AGAP3: variants seen among roughly 807,000 people sequenced by gnomAD.
AGAP3 encodes ArfGAP with GTPase domain, ankyrin repeat and PH domain 3, also known as arf-GAP with GTPase, ANK repeat and PH domain-containing protein 3.
A neutral mutation model predicts 96.9 loss-of-function variants in AGAP3; 24 were observed. That is an observed-to-expected ratio of 0.25 (90% confidence interval 0.18 to 0.35). AGAP3 has a LOEUF of 0.35. Ranked by LOEUF, AGAP3 falls within the 10% of genes least tolerant of loss-of-function variation. AGAP3 has a pLI of 1.00. For missense variants in AGAP3, 876 were observed against 1,254.2 expected, an observed-to-expected ratio of 0.70 and a Z score of 4.55; for synonymous variants, 563 against 536.1, an observed-to-expected ratio of 1.05 and a Z score of -0.69.
At chr7:151,106,143 C>T (rs1799047182) in intron 1 of AGAP3, among the ~76,000 whole-genome samples, 1 of 152,074 alleles carries the variant, frequency 6.6e-6, no homozygotes, top group East Asian at 1.9e-4. Context: ...CATTGTGTTG[C>T]AGTGGCACTT....
Position 151,143,195 on chromosome 7 carries a change from C to T in AGAP3, c.2274-146C>T, listed in dbSNP as rs541614248. On this transcript the variant is annotated intron_variant, in intron 16 of 17. Coordinates refer to ENST00000397238, the MANE Select transcript of AGAP3 (RefSeq NM_031946.7). This position sits in a 1 kb window ranked among gnomAD's most constrained non-coding sequence, Gnocchi z 5.9. ...TGCCTGGAGTTTCCAAGGCTTCTCT[C>T]CTTCCTTTTTGCTCCATCTCATCTT... 2 of 985,714 alleles carry T rather than the reference C, an allele frequency of 2.0e-6. No individual in the cohort carries two copies. The highest frequency in any genetic ancestry group is 2.8e-5 in the Admixed American group (1 of 35,266). The allele number at this position is 985,714 out of a possible 1,614,324, so 61.1% of individuals were successfully genotyped here. A position where few individuals can be genotyped will look rare whatever the true frequency, so the allele number is the denominator to read the frequency against.
Position 151,118,249 on chromosome 7 carries a change from G to A in AGAP3, c.746G>A (p.Ser249Asn), listed in dbSNP as rs1799691099. 16 of 1,612,950 alleles carry A rather than the reference G, an allele frequency of 9.9e-6. No individual in the cohort carries two copies. Among genetic ancestry groups the A allele is most frequent in the Non-Finnish European group, 1.4e-5 (16 of 1,179,028 alleles). ...SAANPRVIDDSRARKLSTDLK... is the reference protein window; with the variant it reads ...SAANPRVIDDNRARKLSTDLK... The stretch of plus-strand genomic sequence containing the variant: ...GCGAATCCCCGGGTTATCGACGACA[G>A]CAGAGCCCGCAAGCTCTCCACAGAT... Residue 249 changes from serine (S) to asparagine (N), a missense_variant, in exon 6 of 18, where the codon AGC (serine) becomes AAC (asparagine). By Grantham distance (46) the Ser-to-Asn change is conservative. Around this residue, in one of 8 missense-constraint regions of AGAP3, gnomAD observed 131 missense variants for 304.5 expected, o/e 0.43. Transcript: ENST00000397238. This position sits in a 1 kb window ranked among gnomAD's most constrained non-coding sequence, Gnocchi z 6.1.
intron 1 of AGAP3, among the ~76,000 whole-genome samples, chr7:151,107,339 TGGGGCCAGGCACGATGGCTCATGCCTGTA>T (rs1169561590): frequency 1.4e-3 from 205 of 150,540 alleles, no homozygotes; most frequent in African/African-American, 4.7e-3. Context: ...TTTTTGCTTT[TGGGGCCAGGCACGATGGCTCATGCCTGTA>T]ATCCCAGTAC....
chr7:151,107,390 A>G (rs1263713309), intron 1 of AGAP3, among the ~76,000 whole-genome samples: 1 of 151,864 alleles, frequency 6.6e-6, no homozygotes, highest in Non-Finnish European at 1.5e-5. Flanking sequence ...TTGGGAGGCC[A>G]AGGCAGGCAG....
At chr7:151,117,800 C>T (rs1235626733) in intron 5 of AGAP3, 23 bp downstream of exon 5, 3 of 1,596,828 alleles carry the variant, frequency 1.9e-6, no homozygotes, top group Admixed American at 1.7e-5. Flanking sequence ...CCTGCAGGAG[C>T]TGGCAGAGAG....
intron 8 of AGAP3, 98 bp from the exon 9 acceptor site, chr7:151,123,696 C>A: frequency 6.3e-7 from 1 of 1,583,416 alleles, no homozygotes; most frequent in Non-Finnish European, 8.6e-7. Context: ...CTAGGGCTGC[C>A]CAGGAGGAGG....
In AGAP3 at chr7:151,114,747, G is replaced by C; in HGVS notation, c.332-2046G>C. ...GCCCCGTGCCCCTCGCCATGGGCCT[G>C]GCCCGCGCCCGCCGGCCCTGAGCAT... On this transcript the variant is annotated intron_variant, in intron 1 of 17. Transcript: ENST00000397238. The surrounding 1 kb of genome is among the most constrained non-coding windows in gnomAD (Gnocchi z 4.4). 9.8e-7 allele frequency: 1 copy of C among 1,016,086 alleles called. No homozygotes were observed. The allele number at this position is 1,016,086 out of a possible 1,614,324, so 62.9% of individuals were successfully genotyped here. A position where few individuals can be genotyped will look rare whatever the true frequency, so the allele number is the denominator to read the frequency against.
chr7:151,130,079 C>G (rs1324554278), intron 10 of AGAP3, among the ~76,000 whole-genome samples: 1 of 152,236 alleles, frequency 6.6e-6, no homozygotes, highest in African/African-American at 2.4e-5. Context: ...AGCTGCCCAC[C>G]TCGGTGGCGG....
intron 8 of AGAP3, chr7:151,122,637 C>T: frequency 4.6e-6 from 7 of 1,537,750 alleles, no homozygotes; most frequent in Non-Finnish European, 6.2e-6. Context: ...TCCCCAGGCG[C>T]CTGGGTCTCT....
intron 1 of AGAP3, among the ~76,000 whole-genome samples, chr7:151,097,680 G>A (rs1214491863): frequency 6.6e-6 from 1 of 152,042 alleles, no homozygotes; most frequent in African/African-American, 2.4e-5. Context: ...TCACATGGTG[G>A]AAGTGGGAGC....
In AGAP3 at chr7:151,114,149, C is replaced by T. The variant is rs1799422667; in HGVS notation, c.332-2644C>T. ...AGACAGCCTCAGTCATCAACAGAAA[C>T]CGACTGTAGCAGCCAGCAACTCTCG... On this transcript the variant is annotated intron_variant, in intron 1 of 17. Transcript: ENST00000397238. This position sits in a 1 kb window ranked among gnomAD's most constrained non-coding sequence, Gnocchi z 4.4. Among the ~76,000 whole-genome samples the T allele has an allele frequency of 6.6e-6, 1 of 152,208 alleles. No homozygotes were observed. Among genetic ancestry groups the T allele is most frequent in the South Asian group, 2.1e-4 (1 of 4,832 alleles).
chr7:151,134,499 C>T lies in AGAP3; in HGVS notation c.1426C>T (p.Pro476Ser), dbSNP rs990394029. The T allele has an allele frequency of 1.1e-5, 17 of 1,613,206 alleles. No homozygotes were observed. The highest frequency in any genetic ancestry group is 2.2e-5 in the East Asian group (1 of 44,886). Reference protein sequence around the residue: ...RLPRATPATAPGTSPRANGLS... With the variant: ...RLPRATPATASGTSPRANGLS... Reference sequence around the variant, plus strand: ...GCCCCGAGCCACACCTGCCACAGCCCCGGGCACCAGCCCCCGTGCCAACGG... The same window carrying T: ...GCCCCGAGCCACACCTGCCACAGCCTCGGGCACCAGCCCCCGTGCCAACGG... Residue 476 changes from proline to serine, a missense_variant, in exon 11 of 18, where the codon CCG becomes TCG. Physicochemically the swap from Pro to Ser is moderately conservative, Grantham distance 74. Coordinates refer to ENST00000397238, the MANE Select transcript of AGAP3 (RefSeq NM_031946.7).
intron 10 of AGAP3, among the ~76,000 whole-genome samples, chr7:151,129,950 C>T (rs1233286257): frequency 6.6e-6 from 1 of 152,218 alleles, no homozygotes; most frequent in Non-Finnish European, 1.5e-5. Context: ...CACTCACAGA[C>T]AGGAAGTCCC....
chr7:151,142,620 G>T lies in AGAP3; in HGVS notation c.2259G>T (p.Gly753=), dbSNP rs759711985. 6.2e-7 allele frequency: 1 copy of T among 1,612,444 alleles called. No individual in the cohort carries two copies. Among genetic ancestry groups the T allele is most frequent in the East Asian group, 2.2e-5 (1 of 44,882 alleles). The change falls in exon 16 of 18, where the codon GGG becomes GGT. Residue 753 remains glycine (G), a synonymous_variant. Transcript: ENST00000397238. The surrounding 1 kb of genome is among the most constrained non-coding windows in gnomAD (Gnocchi z 7.5). ...EGALGGYSKP[G]PDACREEKER... ...CCTTGGGTGGCTACTCCAAGCCAGG[G>T]CCTGATGCCTGCAGGTGAGCAGATG...
intron 8 of AGAP3, chr7:151,123,176 C>A: frequency 9.3e-7 from 1 of 1,075,368 alleles, no homozygotes; most frequent in South Asian, 3.0e-5. Flanking sequence ...CTCTGCCGTT[C>A]CTGCTCCTGC....
Position 151,142,762 on chromosome 7 carries a change from T to C in AGAP3, c.2273+128T>C. ...AACTGTCTGTTGCTCTGCTTGGCAG[T>C]TGGCCCCTTGGGGGTGCCCCTCCTG... On this transcript the variant is annotated intron_variant, in intron 16 of 17. Transcript: ENST00000397238. This position sits in a 1 kb window ranked among gnomAD's most constrained non-coding sequence, Gnocchi z 7.5. 1.9e-6 allele frequency: 2 copies of C among 1,056,280 alleles called. No individual in the cohort carries two copies. Among genetic ancestry groups the C allele is most frequent in the Non-Finnish European group, 2.7e-6 (2 of 741,118 alleles). 65.4% of individuals were successfully genotyped at this position (1,056,280 alleles called of 1,614,324 possible). A position where few individuals can be genotyped will look rare whatever the true frequency, so the allele number is the denominator to read the frequency against.
chr7:151,123,471 C>T (rs908400410), intron 8 of AGAP3: 16 of 1,176,090 alleles, frequency 1.4e-5, no homozygotes, highest in Non-Finnish European at 1.7e-5. Context: ...CGACCAGCAG[C>T]CCCACCGTCC....
intron 10 of AGAP3, among the ~76,000 whole-genome samples, chr7:151,130,285 A>G (rs940374851): frequency 6.6e-6 from 1 of 152,132 alleles, no homozygotes; most frequent in Non-Finnish European, 1.5e-5. Flanking sequence ...TTGGATGTGG[A>G]AGAAAGTGTG....
chr7:151,109,342 G>A (rs1295512834), intron 1 of AGAP3, among the ~76,000 whole-genome samples: 3 of 152,188 alleles, frequency 2.0e-5, no homozygotes, highest in African/African-American at 7.2e-5. Context: ...GGGAGACCCT[G>A]TCTCAAAAAC....
Sources: gnomAD v4.1 joint callset for allele counts (sites outside exome capture counted in the v4.1 genomes callset) on GRCh38, gnomAD v4.1.1 for gene constraint, gnomAD v4.1.1 regional missense constraint, Gnocchi (gnomAD v3.1) non-coding constraint, MANE v1.5 for transcripts, NCBI Gene and HGNC (gene_info 2026-07-23, HGNC 2026-07-21) for gene names.